HLF: variants seen among roughly 807,000 people sequenced by gnomAD.
HLF encodes the protein hepatic leukemia factor.
Under a neutral mutation model 22.6 loss-of-function variants are expected in HLF, and 3 were observed. The observed-to-expected ratio is 0.13, with a 90% CI of 0.06 to 0.34. The LOEUF (loss-of-function observed/expected upper bound fraction) is 0.34. Among genes scored for constraint, HLF ranks in the 10% least tolerant of loss-of-function variants. The pLI, the probability that HLF is intolerant of heterozygous loss-of-function variation, is 1.00. For missense variants in HLF, 299 were observed against 389.2 expected (o/e 0.77, Z 1.95); for synonymous variants, 151 against 151.8 (o/e 0.99, Z 0.04).
In HLF at chr17:55,321,556, A is replaced by G. The variant is rs763009788; in HGVS notation, c.*677A>G. ...CTACCAACCCCAGATAAGTAAGAGT[A>G]CTATTAATAGAACACAGAGTGTGTT... is the stretch of plus-strand genomic sequence containing the variant. On this transcript the variant is annotated 3_prime_UTR_variant, in exon 4 of 4. Transcript: ENST00000226067. 1 of 228,636 alleles carries G rather than the reference A, an allele frequency of 4.4e-6. No homozygotes were observed. Among genetic ancestry groups the G allele is most frequent in the Non-Finnish European group, 8.7e-6 (1 of 114,960 alleles). 14.2% of individuals were successfully genotyped at this position (228,636 alleles called of 1,614,324 possible). A position where few individuals can be genotyped will look rare whatever the true frequency, so the allele number is the denominator to read the frequency against.
chr17:55,297,738 CTTTTTT>C (rs34900287), intron 2 of HLF, among the ~76,000 whole-genome samples: 42 of 62,882 alleles, frequency 6.7e-4, no homozygotes, highest in East Asian at 2.4e-3. Flanking sequence ...AACAGCATTT[CTTTTTT>C]TTTTTTTTTT....
intron 2 of HLF, among the ~76,000 whole-genome samples, chr17:55,295,671 CGTG>C (rs2081105680): frequency 6.6e-6 from 1 of 152,222 alleles, no homozygotes; most frequent in Admixed American, 6.5e-5. Flanking sequence ...CAGGCAAACT[CGTG>C]GTACTTGCCC....
At chr17:55,269,577 C>T (rs1567810141) in intron 2 of HLF, among the ~76,000 whole-genome samples, 1 of 152,168 alleles carries the variant, frequency 6.6e-6, no homozygotes, top group Non-Finnish European at 1.5e-5. Flanking sequence ...CCTTAGAAAG[C>T]AACATCATTT....
intron 2 of HLF, among the ~76,000 whole-genome samples, chr17:55,312,927 T>C (rs1390884934): frequency 2.0e-5 from 3 of 152,038 alleles, no homozygotes. Flanking sequence ...AAGGAAAAAA[T>C]GAGTTTAGTA....
chr17:55,315,151 C>T, intron 2 of HLF, 76 bp from the exon 3 acceptor site: 2 of 1,083,224 alleles, frequency 1.8e-6, no homozygotes, highest in East Asian at 4.7e-5. Flanking sequence ...TACCACTCAT[C>T]TCAGAGCACC....
intron 2 of HLF, among the ~76,000 whole-genome samples, chr17:55,302,133 A>G (rs16955845): frequency 0.022 from 3,355 of 152,336 alleles, 109 homozygotes; most frequent in African/African-American, 0.076. Context: ...GTTCACAGGC[A>G]TGAGGTGACC....
intron 3 of HLF, among the ~76,000 whole-genome samples, chr17:55,317,080 G>A (rs1007309078): frequency 1.4e-5 from 2 of 147,512 alleles, no homozygotes; most frequent in African/African-American, 5.0e-5. Context: ...CCATCCTCAT[G>A]CCTTAGCCTC....
chr17:55,281,452 G>A (rs1464426555), intron 2 of HLF, among the ~76,000 whole-genome samples: 3 of 152,224 alleles, frequency 2.0e-5, no homozygotes, highest in African/African-American at 4.8e-5. Context: ...GGCGGAGATT[G>A]CAGTGAGCCA....
At chr17:55,297,434 T>A (rs2081120013) in intron 2 of HLF, among the ~76,000 whole-genome samples, 1 of 152,164 alleles carries the variant, frequency 6.6e-6, no homozygotes, top group Non-Finnish European at 1.5e-5. Context: ...ACTGGAAGTG[T>A]CTCTTTTCCC....
chr17:55,311,850 G>A (rs1337152911), intron 2 of HLF, among the ~76,000 whole-genome samples: 1 of 152,124 alleles, frequency 6.6e-6, no homozygotes, highest in Non-Finnish European at 1.5e-5. Flanking sequence ...AGAGCCCTCA[G>A]TGTCTACTGT....
At chr17:55,283,158 A>G (rs1478287411) in intron 2 of HLF, among the ~76,000 whole-genome samples, 3 of 152,002 alleles carry the variant, frequency 2.0e-5, no homozygotes, top group African/African-American at 7.2e-5. Flanking sequence ...AGAAGGAAAC[A>G]CCCCAGGGCC....
At chr17:55,317,031 G>A (rs757437752) in intron 3 of HLF, among the ~76,000 whole-genome samples, 22 of 139,694 alleles carry the variant, frequency 1.6e-4, no homozygotes, top group Admixed American at 4.6e-4. Context: ...GCAGTGGCAC[G>A]ATCTCAGCTC....
chr17:55,305,926 T>C (rs963837103), intron 2 of HLF, among the ~76,000 whole-genome samples: 1 of 152,224 alleles, frequency 6.6e-6, no homozygotes. Context: ...TTATTTAGCA[T>C]ATCTGAGCTT....
At chr17:55,305,928 TCTGA>T (rs1297648939) in intron 2 of HLF, among the ~76,000 whole-genome samples, 17 of 152,254 alleles carry the variant, frequency 1.1e-4, no homozygotes, top group African/African-American at 3.9e-4. Context: ...ATTTAGCATA[TCTGA>T]GCTTGTCTTA....
chr17:55,285,132 G>A (rs1049547334), intron 2 of HLF, among the ~76,000 whole-genome samples: 18 of 152,162 alleles, frequency 1.2e-4, no homozygotes, highest in African/African-American at 4.3e-4. Flanking sequence ...GACTGCATTT[G>A]CCTGGGTCCC....
At chr17:55,271,501 C>T (rs1049296222) in intron 2 of HLF, 1 of 152,110 alleles carries the variant, frequency 6.6e-6, no homozygotes, top group Non-Finnish European at 1.5e-5. Context: ...GGTGAGCATT[C>T]TTGTGAATAT....
At chr17:55,282,301 A>G (rs187563929) in intron 2 of HLF, among the ~76,000 whole-genome samples, 3 of 152,168 alleles carry the variant, frequency 2.0e-5, no homozygotes, top group Admixed American at 6.5e-5. Context: ...AAGCTCCGTG[A>G]TGCTGCTTTG....
rs576654283 is a variant in HLF, at chr17:55,323,208, C to A, written c.*2329C>A. ...ACATTGTTCAGGTGAATAATAAAAT[C>A]AAAAACTTTTGCAATCTTAAGCAGA... On this transcript the variant is annotated 3_prime_UTR_variant, in exon 4 of 4. Transcript: ENST00000226067. The A allele has an allele frequency of 1.6e-3, 344 of 217,996 alleles. 2 individuals carry two copies. Among genetic ancestry groups the A allele is most frequent in the Middle Eastern group, 2.8e-3 (2 of 712 alleles). The allele number at this position is 217,996 out of a possible 1,614,324, so 13.5% of individuals were successfully genotyped here. A position where few individuals can be genotyped will look rare whatever the true frequency, so the allele number is the denominator to read the frequency against.
chr17:55,295,115 A>G (rs1225865514), intron 2 of HLF, among the ~76,000 whole-genome samples: 1 of 152,198 alleles, frequency 6.6e-6, no homozygotes, highest in Non-Finnish European at 1.5e-5. Flanking sequence ...TTAATTGTGA[A>G]TGGAGTGTGG....
Sources: gnomAD v4.1 joint callset for allele counts (sites outside exome capture counted in the v4.1 genomes callset) on GRCh38, gnomAD v4.1.1 for gene constraint, MANE v1.5 for transcripts, NCBI Gene and HGNC (gene_info 2026-07-23, HGNC 2026-07-21) for gene names.